Variants in NKTR observed in about 807,000 individuals in gnomAD.
NKTR encodes the protein NK-tumor recognition protein.
A neutral mutation model predicts 156.3 loss-of-function variants in NKTR; 67 were observed. That is an observed-to-expected ratio of 0.43 (90% CI 0.35 to 0.53). The LOEUF (loss-of-function observed/expected upper bound fraction) is 0.53, where lower values mean the gene tolerates loss of function less well. NKTR is among the 20% of genes least tolerant of loss of function. The pLI, the probability that NKTR is intolerant of heterozygous loss-of-function variation, is 0.01. For synonymous variants in NKTR, 640 were observed against 596.6 expected, an observed-to-expected ratio of 1.07 and a Z score of -1.06; for missense variants, 1,604 against 1,730.9, an observed-to-expected ratio of 0.93 and a Z score of 1.30.
chr3:42,606,636 A>G (rs1247143033), intron 2 of NKTR, among the ~76,000 whole-genome samples: 1 of 152,216 alleles, frequency 6.6e-6, no homozygotes, highest in Non-Finnish European at 1.5e-5. Context: ...TGTTTATTTT[A>G]TTAAACACCA....
rs1041124046 is a variant in NKTR, at chr3:42,636,935, T to C, written c.1231T>C (p.Tyr411His). 1.3e-6 allele frequency: 2 copies of C among 1,599,424 alleles called. No individual in the cohort carries two copies. Among genetic ancestry groups the C allele is most frequent in the Non-Finnish European group, 1.7e-6 (2 of 1,176,594 alleles). ...SLSQRSRSWS[Y>H]NGYYSDLSTA... ...GTCTCAGAGATCCAGATCATGGTCC[T>C]ATAATGGATATTATTCAGACCTTAG... Residue 411 changes from tyrosine (Y) to histidine (H), a missense_variant, in exon 13 of 17, where the codon TAT (tyrosine) becomes CAT (histidine). Physicochemically the swap from Tyr to His is moderately conservative, Grantham distance 83. Coordinates refer to ENST00000232978, the MANE Select transcript of NKTR (RefSeq NM_005385.4).
At chr3:42,639,836 C>A in intron 13 of NKTR, 86 bp downstream of exon 13, 1 of 927,322 alleles carries the variant, frequency 1.1e-6, no homozygotes, top group Non-Finnish European at 1.7e-6. Flanking sequence ...GGGACAGAAT[C>A]ACTATTTCCA....
intron 16 of NKTR, among the ~76,000 whole-genome samples, chr3:42,644,708 G>A (rs1710207145): frequency 6.6e-6 from 1 of 152,070 alleles, no homozygotes; most frequent in South Asian, 2.1e-4. Context: ...TTAAAGTGTT[G>A]GGACTTTTCC....
rs528288636 is a variant in NKTR, at chr3:42,637,599, G to T, written c.1895G>T (p.Arg632Leu). Residue 632 changes from arginine (R) to leucine (L), a missense_variant, in exon 13 of 17, where the codon CGA becomes CTA. Arg to Leu is a moderately radical substitution (Grantham distance 102, BLOSUM62 -2). Transcript: ENST00000232978. ...AAACCTTGGAAGCCCTCTTATGAGC[G>T]AATTCAGGAAATGAAAGCTAAAACA... ...GQKPWKPSYE[R>L]IQEMKAKTTH... 1.2e-6 allele frequency: 2 copies of T among 1,609,788 alleles called. No homozygotes were observed. Among genetic ancestry groups the T allele is most frequent in the African/African-American group, 2.7e-5 (2 of 74,530 alleles).
At chr3:42,621,670 C>T (rs1480297914) in intron 6 of NKTR, among the ~76,000 whole-genome samples, 154 bp downstream of exon 6, 1 of 151,914 alleles carries the variant, frequency 6.6e-6, no homozygotes, top group Non-Finnish European at 1.5e-5. Flanking sequence ...TAAGGTCTAA[C>T]AACTGCCTCA....
At chr3:42,643,724 T>TCCCC (rs763700658) in intron 15 of NKTR, 178 bp from the exon 16 acceptor site, 15 of 687,384 alleles carry the variant, frequency 2.2e-5, no homozygotes, top group Middle Eastern at 2.4e-4. Context: ...TTAATTATGG[T>TCCCC]AAGTCTCATT....
rs1304312239 is a variant in NKTR at position 42,637,318 on chromosome 3, G to A, written c.1614G>A (p.Ala538=). ...YSRGSSRSRT[A]SKSSSHSRSR... Reference sequence around the variant, plus strand: ...GAGGAAGCTCAAGATCAAGGACTGCGTCAAAGTCCTCATCACATTCTCGAA... The same window carrying A: ...GAGGAAGCTCAAGATCAAGGACTGCATCAAAGTCCTCATCACATTCTCGAA... The change falls in exon 13 of 17, where the codon GCG becomes GCA. Residue 538 remains alanine, a synonymous_variant. Transcript: ENST00000232978. 51 of 1,614,036 alleles carry A rather than the reference G, an allele frequency of 3.2e-5. No individual in the cohort carries two copies. The highest frequency in any genetic ancestry group is 1.6e-4 in the Middle Eastern group (1 of 6,084).
At position 42,628,241 on chromosome 3, in the gene NKTR, C is replaced by G. The variant is rs1039225806; in HGVS notation, c.375-2305C>G. 4 of 985,222 alleles carry G rather than the reference C, an allele frequency of 4.1e-6. No homozygotes were observed. The African/African-American group carries it at 5.2e-5, about 13-fold the overall frequency. 61.0% of individuals were successfully genotyped at this position (985,222 alleles called of 1,614,324 possible). ...TAATCATTCATATCAGGTTTAGGCACTATGGGCAGGCTGAGTTGTCCTTGA... is the reference window on the plus strand; with the variant it reads ...TAATCATTCATATCAGGTTTAGGCAGTATGGGCAGGCTGAGTTGTCCTTGA... On this transcript the variant is annotated intron_variant, in intron 6 of 16. Coordinates refer to ENST00000232978, the MANE Select transcript of NKTR (RefSeq NM_005385.4).
At position 42,639,610 on chromosome 3, in the gene NKTR, G is replaced by T. The variant is rs76544875; in HGVS notation, c.3906G>T (p.Thr1302=). 1.4e-5 allele frequency: 23 copies of T among 1,614,034 alleles called. No individual in the cohort carries two copies. The highest frequency in any genetic ancestry group is 1.9e-5 in the Non-Finnish European group (22 of 1,180,000). ...RNQESSSDEQ[T]PSRDDDSQSR... ...AGGAGAGTTCAAGTGATGAGCAGAC[G>T]CCTAGTCGGGATGATGATAGCCAGT... Residue 1302 remains threonine (T), a synonymous_variant, in exon 13 of 17, where the codon ACG becomes ACT. Transcript: ENST00000232978.
Position 42,634,603 on chromosome 3 carries a change from C to A in NKTR, c.930-10C>A. On this transcript the variant is annotated splice_polypyrimidine_tract_variant and intron_variant, in intron 10 of 16. Coordinates refer to ENST00000232978, the MANE Select transcript of NKTR (RefSeq NM_005385.4). The stretch of plus-strand genomic sequence containing the variant: ...TATTTTTAATTTTCATCACAATCTT[C>A]TTTTCCTAGGAAGATTCCTGATGTT... The A allele has an allele frequency of 6.8e-7, 1 of 1,479,870 alleles. No individual in the cohort carries two copies. The highest frequency in any genetic ancestry group is 1.4e-5 in the African/African-American group (1 of 71,076). The allele number at this position is 1,479,870 out of a possible 1,614,324, so 91.7% of individuals were successfully genotyped here.
At chr3:42,611,986 A>G (rs1461121505) in intron 2 of NKTR, among the ~76,000 whole-genome samples, 1 of 152,160 alleles carries the variant, frequency 6.6e-6, no homozygotes, top group Non-Finnish European at 1.5e-5. Flanking sequence ...CTATGTTCCC[A>G]TCTATTCAGG....
At position 42,643,377 on chromosome 3, in the gene NKTR, A is replaced by T; in HGVS notation, c.4181A>T (p.Asp1394Val). Residue 1394 changes from aspartate to valine, a missense_variant, in exon 15 of 17, where the codon GAT (aspartate) becomes GTT (valine). Physicochemically the swap from Asp to Val is radical, Grantham distance 152. Coordinates refer to ENST00000232978, the MANE Select transcript of NKTR (RefSeq NM_005385.4). ...AGCAGATCCAGGAGCAGCTCATATG[A>T]TCCCCACAGTCGATCCAGGTATGAA... The part of the protein sequence containing the change: ...SRSRSRSSSY[D>V]PHSRSRSYTY... The T allele has an allele frequency of 6.2e-7, 1 of 1,614,058 alleles. No individual in the cohort carries two copies. Among genetic ancestry groups the T allele is most frequent in the South Asian group, 1.1e-5 (1 of 91,082 alleles).
rs1709225624 is a variant in NKTR, at chr3:42,634,772, C to T, written c.1017+72C>T. ...TTTTTACCTATTTTCAAAGTCCTAGCGTTAATTTTAGATATAATACAAAAT... is the reference window on the plus strand; with the variant it reads ...TTTTTACCTATTTTCAAAGTCCTAGTGTTAATTTTAGATATAATACAAAAT... On this transcript the variant is annotated intron_variant, in intron 11 of 16. Coordinates refer to ENST00000232978, the MANE Select transcript of NKTR (RefSeq NM_005385.4). 12 of 773,294 alleles carry T rather than the reference C, an allele frequency of 1.6e-5. No homozygotes were observed. The South Asian group carries it at 1.9e-4, about 13-fold the overall frequency. 47.9% of individuals were successfully genotyped at this position (773,294 alleles called of 1,614,324 possible).
Position 42,601,060 on chromosome 3 carries a change from G to A in NKTR, c.54G>A (p.Glu18=), listed in dbSNP as rs759015243. The A allele has an allele frequency of 3.2e-6, 5 of 1,574,240 alleles. No homozygotes were observed. The highest frequency in any genetic ancestry group is 3.7e-5 in the Admixed American group (2 of 54,790). ...ACTTCGACATCGAGATCAACCGGGA[G>A]CCGGGTGAGCTGGAAACTGGGGAGC... ...QCHFDIEINR[E]PVGRIMFQLF... The change falls in exon 2 of 17, where the codon GAG becomes GAA. Residue 18 remains glutamate, a synonymous_variant. Transcript: ENST00000232978.
At chr3:42,624,425 T>C (rs1221083266) in intron 6 of NKTR, among the ~76,000 whole-genome samples, 1 of 152,116 alleles carries the variant, frequency 6.6e-6, no homozygotes, top group Non-Finnish European at 1.5e-5. Flanking sequence ...TTGGTATTTA[T>C]TTTGTCCTTT....
rs1000561597 is a variant in NKTR at position 42,647,604 on chromosome 3, C to T, written c.*1629C>T. ...TTGCCAGGTCAATAGACAGAAAGTA[C>T]ATTAGAAAACAGGACTTAGGCCAAA... is the stretch of plus-strand genomic sequence containing the variant. On this transcript the variant is annotated 3_prime_UTR_variant, in exon 17 of 17. Transcript: ENST00000232978. 6.6e-6 allele frequency: 1 copy of T among 152,014 alleles called. No homozygotes were observed. The highest frequency in any genetic ancestry group is 1.5e-5 in the Non-Finnish European group (1 of 68,026). The allele number at this position is 152,014 out of a possible 1,614,324, so 9.4% of individuals were successfully genotyped here.
intron 5 of NKTR, 138 bp from the exon 6 acceptor site, chr3:42,621,291 T>C (rs911957396): frequency 7.4e-7 from 1 of 1,342,588 alleles, no homozygotes; most frequent in African/African-American, 1.5e-5. Context: ...CTTAAATTTT[T>C]CTTTTCTGAG....
At position 42,647,432 on chromosome 3, in the gene NKTR, C is replaced by CACAG. The variant is rs1471962768; in HGVS notation, c.*1458_*1461dup. 6.6e-6 allele frequency: 1 copy of CACAG among 151,910 alleles called. No homozygotes were observed. Among genetic ancestry groups the CACAG allele is most frequent in the Non-Finnish European group, 1.5e-5 (1 of 67,988 alleles). The allele number at this position is 151,910 out of a possible 1,614,324, so 9.4% of individuals were successfully genotyped here. ...GATGTAGAGCTCAGCACCACCCTACCACAGGCCTTGTCTGGTGTATTTGGG... is the reference window on the plus strand; with the variant it reads ...GATGTAGAGCTCAGCACCACCCTACCACAGACAGGCCTTGTCTGGTGTATTTGGG... On this transcript the variant is annotated 3_prime_UTR_variant, in exon 17 of 17. Coordinates refer to ENST00000232978, the MANE Select transcript of NKTR (RefSeq NM_005385.4).
At position 42,639,485 on chromosome 3, in the gene NKTR, G is replaced by A; in HGVS notation, c.3781G>A (p.Gly1261Ser). 6.2e-7 allele frequency: 1 copy of A among 1,614,216 alleles called. No homozygotes were observed. The highest frequency in any genetic ancestry group is 2.2e-5 in the East Asian group (1 of 44,888). ...CACTGTGCCTGAAATGAAACCACAA[G>A]GCTTGAGAATAGAAATTAAAAGCAA... ...LTTVPEMKPQ[G>S]LRIEIKSKNK... Residue 1261 changes from glycine (G) to serine (S), a missense_variant, in exon 13 of 17, where the codon GGC becomes AGC. Coordinates refer to ENST00000232978, the MANE Select transcript of NKTR (RefSeq NM_005385.4).
Sources: allele counts gnomAD v4.1 joint callset (sites outside exome capture counted in the v4.1 genomes callset), GRCh38; gene constraint gnomAD v4.1.1; transcripts MANE v1.5; gene names NCBI Gene and HGNC (gene_info 2026-07-23, HGNC 2026-07-21).